The following HEXIM1 variants were observed in gnomAD, a reference collection of about 807,000 sequenced individuals.
HEXIM1 encodes protein HEXIM1.
A neutral mutation model predicts 30.3 loss-of-function variants in HEXIM1; 1 was observed. That is an observed-to-expected ratio of 0.03 (90% CI 0.01 to 0.16). The LOEUF is 0.16. HEXIM1 is among the 10% of genes least tolerant of loss of function. HEXIM1 has a pLI of 1.00. For missense variants in HEXIM1, 391 were observed against 476.4 expected (o/e 0.82, Z 1.67); for synonymous variants, 245 against 208.3 (o/e 1.18, Z -1.52).
chr17:45,148,570 G>A lies in HEXIM1; in HGVS notation c.-621G>A. On this transcript the variant is annotated 5_prime_UTR_variant, in exon 1 of 1. Coordinates refer to ENST00000332499, the MANE Select transcript of HEXIM1 (RefSeq NM_006460.3). ...TGTGGGAAGGGGGAGGAGGGAGGGA[G>A]GAAAAGAGGAGGAGGCGGAGGAGAA... 2.5e-6 allele frequency: 1 copy of A among 399,506 alleles called. No individual in the cohort carries two copies. The highest frequency in any genetic ancestry group is 4.4e-5 in the Admixed American group (1 of 22,722). The allele number at this position is 399,506 out of a possible 1,614,324, so 24.7% of individuals were successfully genotyped here.
chr17:45,148,593 G>T lies in HEXIM1; in HGVS notation c.-598G>T. Reference sequence around the variant, plus strand: ...GAGGAAAAGAGGAGGAGGCGGAGGAGAACTGAGCAGAGCAGAGCATCGAGC... The same window carrying T: ...GAGGAAAAGAGGAGGAGGCGGAGGATAACTGAGCAGAGCAGAGCATCGAGC... On this transcript the variant is annotated 5_prime_UTR_variant, in exon 1 of 1. Transcript: ENST00000332499. 2.5e-6 allele frequency: 1 copy of T among 399,610 alleles called. No individual in the cohort carries two copies. Among genetic ancestry groups the T allele is most frequent in the Non-Finnish European group, 4.4e-6 (1 of 226,540 alleles). The allele number at this position is 399,610 out of a possible 1,614,324, so 24.8% of individuals were successfully genotyped here. A position where few individuals can be genotyped will look rare whatever the true frequency, so the allele number is the denominator to read the frequency against.
chr17:45,148,526 G>A lies in HEXIM1; in HGVS notation c.-665G>A, dbSNP rs1432314995. The stretch of plus-strand genomic sequence containing the variant: ...GGCAGGTTGGGAGGGAAAGTCGGGG[G>A]AGGACGCGGAAGAGGAGCTGTGGGA... On this transcript the variant is annotated 5_prime_UTR_variant, in exon 1 of 1. Transcript: ENST00000332499. 2 of 398,844 alleles carry A rather than the reference G, an allele frequency of 5.0e-6. No homozygotes were observed. The highest frequency in any genetic ancestry group is 2.1e-5 in the African/African-American group (1 of 48,532). 24.7% of individuals were successfully genotyped at this position (398,844 alleles called of 1,614,324 possible).
rs2055547639 is a variant in HEXIM1 at position 45,151,556 on chromosome 17, TAAA to T, written c.*1289_*1291del. ...CTGAGAACTAAATTTTGCCCCAAAA[TAAA>T]AACAGAAATTATGAGATTGCCTCCT... is the stretch of plus-strand genomic sequence containing the variant. On this transcript the variant is annotated 3_prime_UTR_variant, in exon 1 of 1. Coordinates refer to ENST00000332499, the MANE Select transcript of HEXIM1 (RefSeq NM_006460.3). The T allele has an allele frequency of 6.0e-6, 1 of 167,080 alleles. No individual in the cohort carries two copies. The highest frequency in any genetic ancestry group is 2.4e-5 in the African/African-American group (1 of 41,456). 10.3% of individuals were successfully genotyped at this position (167,080 alleles called of 1,614,324 possible). A position where few individuals can be genotyped will look rare whatever the true frequency, so the allele number is the denominator to read the frequency against.
chr17:45,148,815 C>T lies in HEXIM1; in HGVS notation c.-376C>T, dbSNP rs1197880827. ...GAGGCAGCGTCATCGGTAGTTTTAA[C>T]CCCTTCGGGGCTGGGTTTCACGCAC... On this transcript the variant is annotated 5_prime_UTR_variant, in exon 1 of 1. Transcript: ENST00000332499. 2.2e-5 allele frequency: 9 copies of T among 404,192 alleles called. No homozygotes were observed. Among genetic ancestry groups the T allele is most frequent in the South Asian group, 2.3e-4 (2 of 8,730 alleles). 25.0% of individuals were successfully genotyped at this position (404,192 alleles called of 1,614,324 possible).
rs1411447419 is a variant in HEXIM1, at chr17:45,149,106, TTTTTC to T, written c.-80_-76del. ...ACTCTGTTGGACTGTTTTTTTTTTC[TTTTTC>T]TTTTTTTTAAGAAAAACCCATTTTT... On this transcript the variant is annotated 5_prime_UTR_variant, in exon 1 of 1. Coordinates refer to ENST00000332499, the MANE Select transcript of HEXIM1 (RefSeq NM_006460.3). The surrounding 1 kb of genome is among the most constrained non-coding windows in gnomAD (Gnocchi z 5.3). 37 of 1,165,952 alleles carry T rather than the reference TTTTTC, an allele frequency of 3.2e-5. 1 individual carries two copies. Among genetic ancestry groups the T allele is most frequent in the Non-Finnish European group, 3.5e-5 (31 of 875,692 alleles). 72.2% of individuals were successfully genotyped at this position (1,165,952 alleles called of 1,614,324 possible). A position where few individuals can be genotyped will look rare whatever the true frequency, so the allele number is the denominator to read the frequency against.
rs1310202424 is a variant in HEXIM1 at position 45,149,633 on chromosome 17, T to G, written c.443T>G (p.Leu148Arg). The G allele has an allele frequency of 6.2e-7, 1 of 1,612,632 alleles. No homozygotes were observed. Among genetic ancestry groups the G allele is most frequent in the East Asian group, 2.2e-5 (1 of 44,850 alleles). ...GAGTGGGGACAGCAGCAGAGACAGC[T>G]GGGGAAGAAAAAACATAGGAGACGC... ...EEEWGQQQRQ[L>R]GKKKHRRRPS... The change falls in exon 1 of 1, where the codon CTG (leucine) becomes CGG (arginine). Residue 148 changes from leucine to arginine, a missense_variant. This residue lies in a region of HEXIM1 where 230 missense variants were observed against 199.4 expected (regional missense o/e 1.15). Coordinates refer to ENST00000332499, the MANE Select transcript of HEXIM1 (RefSeq NM_006460.3). The surrounding 1 kb of genome is among the most constrained non-coding windows in gnomAD (Gnocchi z 5.3).
Position 45,150,579 on chromosome 17 carries a change from G to A in HEXIM1, c.*309G>A. ...TTAACAAATCCCCTCCTTAAACGGA[G>A]CTATAAGGTGGCCAAATCTGAGAAC... is the stretch of plus-strand genomic sequence containing the variant. On this transcript the variant is annotated 3_prime_UTR_variant, in exon 1 of 1. Coordinates refer to ENST00000332499, the MANE Select transcript of HEXIM1 (RefSeq NM_006460.3). The A allele has an allele frequency of 6.8e-6, 2 of 292,334 alleles. No homozygotes were observed. Among genetic ancestry groups the A allele is most frequent in the Non-Finnish European group, 1.3e-5 (2 of 148,188 alleles). 18.1% of individuals were successfully genotyped at this position (292,334 alleles called of 1,614,324 possible).
rs2055536758 is a variant in HEXIM1, at chr17:45,150,228, C to G, written c.1038C>G (p.His346Gln). ...NLQLLTENEL[H>Q]RQQERAPLSK... ...AGCTGCTGACCGAGAACGAACTGCA[C>G]CGGCAGCAGGAGCGAGCGCCGCTTT... Residue 346 changes from histidine (H) to glutamine (Q), a missense_variant, in exon 1 of 1, where the codon CAC becomes CAG. His to Gln is a conservative substitution (Grantham distance 24). Around this residue, in one of 5 missense-constraint regions of HEXIM1, gnomAD observed 73 missense variants for 80.9 expected, o/e 0.90. Coordinates refer to ENST00000332499, the MANE Select transcript of HEXIM1 (RefSeq NM_006460.3). 2 of 1,610,568 alleles carry G rather than the reference C, an allele frequency of 1.2e-6. No individual in the cohort carries two copies. Among genetic ancestry groups the G allele is most frequent in the Non-Finnish European group, 1.7e-6 (2 of 1,177,982 alleles).
chr17:45,149,491 G>T lies in HEXIM1; in HGVS notation c.301G>T (p.Gly101Cys), dbSNP rs760708795. 4.2e-5 allele frequency: 68 copies of T among 1,610,342 alleles called. No homozygotes were observed. Among genetic ancestry groups the T allele is most frequent in the Non-Finnish European group, 3.8e-5 (45 of 1,178,910 alleles). The change falls in exon 1 of 1, where the codon GGC (glycine) becomes TGC (cysteine). Residue 101 changes from glycine (G) to cysteine (C), a missense_variant. Gly to Cys is a radical substitution (Grantham distance 159). Coordinates refer to ENST00000332499, the MANE Select transcript of HEXIM1 (RefSeq NM_006460.3). This position sits in a 1 kb window ranked among gnomAD's most constrained non-coding sequence, Gnocchi z 5.3. ...GQNGDDSSAG[G>C]DFPPPAEVEP... The stretch of plus-strand genomic sequence containing the variant: ...GAATGGGGACGACTCGTCCGCTGGC[G>T]GCGACTTCCCGCCGCCGGCAGAAGT...
At position 45,148,653 on chromosome 17, in the gene HEXIM1, GGCT is replaced by G. The variant is rs2055522203; in HGVS notation, c.-537_-535del. The G allele has an allele frequency of 5.0e-6, 2 of 400,482 alleles. No individual in the cohort carries two copies. Among genetic ancestry groups the G allele is most frequent in the Non-Finnish European group, 8.8e-6 (2 of 227,242 alleles). The allele number at this position is 400,482 out of a possible 1,614,324, so 24.8% of individuals were successfully genotyped here. A position where few individuals can be genotyped will look rare whatever the true frequency, so the allele number is the denominator to read the frequency against. ...GATGAGTTTGTCTGTCCTCTGCTGA[GGCT>G]ACGGCCGGGCCTAGGGAACTGGGAG... On this transcript the variant is annotated 5_prime_UTR_variant, in exon 1 of 1. Coordinates refer to ENST00000332499, the MANE Select transcript of HEXIM1 (RefSeq NM_006460.3).
In HEXIM1 at chr17:45,149,527, C is replaced by A. The variant is rs1358696096; in HGVS notation, c.337C>A (p.Pro113Thr). The change falls in exon 1 of 1, where the codon CCC becomes ACC. Residue 113 changes from proline to threonine, a missense_variant. Transcript: ENST00000332499. This position sits in a 1 kb window ranked among gnomAD's most constrained non-coding sequence, Gnocchi z 5.3. ...FPPPAEVEPT[P>T]EAELLAQPCH... Reference sequence around the variant, plus strand: ...GCCGCCGGCAGAAGTGGAACCGACGCCCGAGGCCGAGCTGCTCGCCCAGCC... The same window carrying A: ...GCCGCCGGCAGAAGTGGAACCGACGACCGAGGCCGAGCTGCTCGCCCAGCC... The A allele has an allele frequency of 6.2e-7, 1 of 1,607,082 alleles. No individual in the cohort carries two copies.
chr17:45,150,257 A>G lies in HEXIM1; in HGVS notation c.1067A>G (p.Lys356Arg). The change falls in exon 1 of 1, where the codon AAG becomes AGG. Residue 356 changes from lysine (K) to arginine (R), a missense_variant. Lys to Arg is a conservative substitution (Grantham distance 26). Transcript: ENST00000332499. ...HRQQERAPLS[K>R]FGD ...CAGCAGGAGCGAGCGCCGCTTTCCA[A>G]GTTTGGAGACTAGACTGAAACTTTT... The G allele has an allele frequency of 6.2e-7, 1 of 1,608,840 alleles. No individual in the cohort carries two copies. The highest frequency in any genetic ancestry group is 8.5e-7 in the Non-Finnish European group (1 of 1,176,610).
Position 45,149,269 on chromosome 17 carries a change from G to A in HEXIM1, c.79G>A (p.Glu27Lys). 2 of 1,613,878 alleles carry A rather than the reference G, an allele frequency of 1.2e-6. No homozygotes were observed. Among genetic ancestry groups the A allele is most frequent in the Non-Finnish European group, 1.7e-6 (2 of 1,180,030 alleles). ...NCTGAAAVQE[E>K]LNPERPPGAE... ...TACAGGTGCTGCTGCTGTCCAGGAA[G>A]AGCTGAACCCTGAGCGCCCCCCAGG... Residue 27 changes from glutamate (E) to lysine (K), a missense_variant, in exon 1 of 1, where the codon GAG becomes AAG. Physicochemically the swap from Glu to Lys is moderately conservative, Grantham distance 56. Coordinates refer to ENST00000332499, the MANE Select transcript of HEXIM1 (RefSeq NM_006460.3). The surrounding 1 kb of genome is among the most constrained non-coding windows in gnomAD (Gnocchi z 5.3).
chr17:45,149,346 C>A lies in HEXIM1; in HGVS notation c.156C>A (p.Phe52Leu). ...EEDSRWQSRAFPQLGGRPGPE... is the reference protein window; with the variant it reads ...EEDSRWQSRALPQLGGRPGPE... The stretch of plus-strand genomic sequence containing the variant: ...ACAGTAGGTGGCAATCGAGAGCGTT[C>A]CCCCAGTTGGGTGGCCGTCCGGGGC... Residue 52 changes from phenylalanine (F) to leucine (L), a missense_variant, in exon 1 of 1, where the codon TTC becomes TTA. Around this residue, in one of 5 missense-constraint regions of HEXIM1, gnomAD observed 230 missense variants for 199.4 expected, o/e 1.15. Coordinates refer to ENST00000332499, the MANE Select transcript of HEXIM1 (RefSeq NM_006460.3). The surrounding 1 kb of genome is among the most constrained non-coding windows in gnomAD (Gnocchi z 5.3). 6.2e-7 allele frequency: 1 copy of A among 1,613,488 alleles called. No homozygotes were observed. Among genetic ancestry groups the A allele is most frequent in the Non-Finnish European group, 8.5e-7 (1 of 1,179,942 alleles).
In HEXIM1 at chr17:45,149,111, CTTTTTT is replaced by C. The variant is rs779309521; in HGVS notation, c.-77_-72del. ...GTTGGACTGTTTTTTTTTTCTTTTT[CTTTTTT>C]TTAAGAAAAACCCATTTTTTTCCTT... is the stretch of plus-strand genomic sequence containing the variant. On this transcript the variant is annotated 5_prime_UTR_variant, in exon 1 of 1. Transcript: ENST00000332499. This position sits in a 1 kb window ranked among gnomAD's most constrained non-coding sequence, Gnocchi z 5.3. 2.9e-5 allele frequency: 27 copies of C among 935,342 alleles called. No individual in the cohort carries two copies. The highest frequency in any genetic ancestry group is 3.4e-5 in the African/African-American group (2 of 58,406). 57.9% of individuals were successfully genotyped at this position (935,342 alleles called of 1,614,324 possible). A position where few individuals can be genotyped will look rare whatever the true frequency, so the allele number is the denominator to read the frequency against.
In HEXIM1 at chr17:45,151,012, A is replaced by G. The variant is rs552053238; in HGVS notation, c.*742A>G. ...AAATTTAACTCTGCCTCGGCCATTCAAAAGTCTAATAACAAAAAATGTAAA... is the reference window on the plus strand; with the variant it reads ...AAATTTAACTCTGCCTCGGCCATTCGAAAGTCTAATAACAAAAAATGTAAA... On this transcript the variant is annotated 3_prime_UTR_variant, in exon 1 of 1. Transcript: ENST00000332499. 1.8e-5 allele frequency: 3 copies of G among 167,164 alleles called. No individual in the cohort carries two copies. Among genetic ancestry groups the G allele is most frequent in the African/African-American group, 7.2e-5 (3 of 41,588 alleles). The allele number at this position is 167,164 out of a possible 1,614,324, so 10.4% of individuals were successfully genotyped here.
rs1598116185 is a variant in HEXIM1 at position 45,150,558 on chromosome 17, C to T, written c.*288C>T. The T allele has an allele frequency of 1.1e-5, 4 of 364,404 alleles. No homozygotes were observed. In the East Asian group the frequency reaches 2.0e-4, roughly 18 times the overall value. 22.6% of individuals were successfully genotyped at this position (364,404 alleles called of 1,614,324 possible). On this transcript the variant is annotated 3_prime_UTR_variant, in exon 1 of 1. Transcript: ENST00000332499. Reference sequence around the variant, plus strand: ...AGTTATAATGCATTTTTGTTTTTAACAAATCCCCTCCTTAAACGGAGCTAT... The same window carrying T: ...AGTTATAATGCATTTTTGTTTTTAATAAATCCCCTCCTTAAACGGAGCTAT...
In HEXIM1 at chr17:45,149,966, G is replaced by A; in HGVS notation, c.776G>A (p.Gly259Asp). The A allele has an allele frequency of 1.2e-6, 2 of 1,614,038 alleles. No homozygotes were observed. Among genetic ancestry groups the A allele is most frequent in the Non-Finnish European group, 1.7e-6 (2 of 1,180,022 alleles). The change falls in exon 1 of 1, where the codon GGC (glycine) becomes GAC (aspartate). Residue 259 changes from glycine to aspartate, a missense_variant. Around this residue, in one of 5 missense-constraint regions of HEXIM1, gnomAD observed 20 missense variants for 68.1 expected, o/e 0.29. Transcript: ENST00000332499. The surrounding 1 kb of genome is among the most constrained non-coding windows in gnomAD (Gnocchi z 5.3). ...DGGSDGMGGD[G>D]SEFLQRDFSE... is the part of the protein sequence containing the mutation. ...GGCAGCGATGGGATGGGAGGGGACG[G>A]CAGCGAGTTTCTGCAGCGGGACTTC... is the stretch of plus-strand genomic sequence containing the variant.
chr17:45,148,890 C>T lies in HEXIM1; in HGVS notation c.-301C>T, dbSNP rs2055523795. The stretch of plus-strand genomic sequence containing the variant: ...CACCAACTCCTTTATTGGGGTGCTC[C>T]GCTTGGAGGTTTGAGGCCCACCTCC... On this transcript the variant is annotated 5_prime_UTR_variant, in exon 1 of 1. Coordinates refer to ENST00000332499, the MANE Select transcript of HEXIM1 (RefSeq NM_006460.3). 4.5e-6 allele frequency: 2 copies of T among 445,166 alleles called. No individual in the cohort carries two copies. The highest frequency in any genetic ancestry group is 2.0e-5 in the African/African-American group (1 of 49,286). The allele number at this position is 445,166 out of a possible 1,614,324, so 27.6% of individuals were successfully genotyped here. A position where few individuals can be genotyped will look rare whatever the true frequency, so the allele number is the denominator to read the frequency against.
Sources: allele counts gnomAD v4.1 joint callset, GRCh38; gene constraint gnomAD v4.1.1; regional missense constraint gnomAD v4.1.1; non-coding constraint Gnocchi (gnomAD v3.1); transcripts MANE v1.5; gene names NCBI Gene and HGNC (gene_info 2026-07-23, HGNC 2026-07-21).